Variants in COL4A4 observed in about 807,000 individuals in gnomAD.
COL4A4 encodes the protein collagen alpha-4(IV) chain.
In COL4A4, 105 loss-of-function variants were observed where a neutral mutation model predicts 192.9. That is an observed-to-expected ratio of 0.54 (90% CI 0.46 to 0.64). COL4A4 has a LOEUF of 0.64. COL4A4 is among the 30% of genes least tolerant of loss of function. COL4A4 has a pLI of 0.00. For synonymous variants in COL4A4, 762 were observed against 769.9 expected (o/e 0.99, Z 0.17); for missense variants, 1,967 against 2,169.3 (o/e 0.91, Z 1.85).
intron 24 of COL4A4, 74 bp from the exon 25 acceptor site, chr2:227,078,151 C>T (rs2059133298): frequency 8.1e-6 from 12 of 1,474,738 alleles, no homozygotes; most frequent in South Asian, 1.2e-5. Flanking sequence ...TTGTAGGTTA[C>T]AGAAACACAC....
intron 44 of COL4A4, among the ~76,000 whole-genome samples, chr2:227,018,271 G>A (rs563131038): frequency 6.6e-6 from 1 of 152,196 alleles, no homozygotes; most frequent in South Asian, 2.1e-4. Flanking sequence ...CGCTCTTCTT[G>A]CCCAGGCTGG....
chr2:227,008,354 G>A (rs1962680488), intron 46 of COL4A4, 50 bp from the exon 47 acceptor site: 4 of 1,591,164 alleles, frequency 2.5e-6, no homozygotes, highest in Non-Finnish European at 3.4e-6. Flanking sequence ...CCATGTAGGT[G>A]TTCCCAGACC....
At chr2:227,002,453 T>G (rs1282028368), downstream of COL4A4, among the ~76,000 whole-genome samples, 1 of 152,260 alleles carries the variant, frequency 6.6e-6, no homozygotes, top group African/African-American at 2.4e-5. Context: ...CCATGCCCAC[T>G]GACCACTGCC....
At chr2:227,065,391 C>A (rs1275620803) in intron 25 of COL4A4, among the ~76,000 whole-genome samples, 5 of 152,258 alleles carry the variant, frequency 3.3e-5, no homozygotes, top group Non-Finnish European at 5.9e-5. Context: ...CTCAAGGAGG[C>A]CTGCCTGCCT....
At chr2:227,097,681 T>C (rs2060277010) in intron 19 of COL4A4, among the ~76,000 whole-genome samples, 1 of 152,206 alleles carries the variant, frequency 6.6e-6, no homozygotes, top group Admixed American at 6.5e-5. Context: ...ATATTATTTA[T>C]ATACTCCTGG....
chr2:227,033,872 T>C (rs934659340), intron 37 of COL4A4, among the ~76,000 whole-genome samples: 1 of 145,068 alleles, frequency 6.9e-6, no homozygotes, highest in South Asian at 2.3e-4. Flanking sequence ...CCTCCCAGGC[T>C]TGGGGTCACT....
At chr2:227,081,351 A>G (rs1265982086) in intron 23 of COL4A4, among the ~76,000 whole-genome samples, 1 of 152,192 alleles carries the variant, frequency 6.6e-6, no homozygotes, top group African/African-American at 2.4e-5. Context: ...TCTGGCTTTC[A>G]TCTTTCTCCT....
At chr2:227,065,117 AG>A (rs1169564065) in intron 25 of COL4A4, among the ~76,000 whole-genome samples, 4 of 152,176 alleles carry the variant, frequency 2.6e-5, no homozygotes, top group Admixed American at 2.6e-4. Flanking sequence ...AGTCAAAGAA[AG>A]GGGTGACAGA....
At chr2:226,989,646 C>T in the COL4A4 span, among the ~76,000 whole-genome samples, 1 of 152,236 alleles carries the variant, frequency 6.6e-6, no homozygotes. Context: ...GAAGTCTGAC[C>T]ATATCTTGTC....
chr2:227,026,172 A>T (rs923838547), intron 42 of COL4A4, among the ~76,000 whole-genome samples: 1 of 152,166 alleles, frequency 6.6e-6, no homozygotes, highest in Non-Finnish European at 1.5e-5. Context: ...TTTGCCAAGT[A>T]TAGGGTATGC....
chr2:227,079,119 C>A (rs550861558), intron 24 of COL4A4, among the ~76,000 whole-genome samples: 2 of 152,186 alleles, frequency 1.3e-5, no homozygotes, highest in South Asian at 4.1e-4. Flanking sequence ...TTGCACCCCA[C>A]CTGACTGAAC....
chr2:227,151,367 T>G (rs923850621), intron 1 of COL4A4, among the ~76,000 whole-genome samples: 3 of 152,176 alleles, frequency 2.0e-5, no homozygotes, highest in Non-Finnish European at 4.4e-5. Context: ...AAAGTAAAAT[T>G]TTGTGGGAAA....
chr2:227,085,053 C>G (rs537057784), intron 22 of COL4A4, among the ~76,000 whole-genome samples: 43 of 152,186 alleles, frequency 2.8e-4, no homozygotes, highest in African/African-American at 9.4e-4. Context: ...ATCGCCTGAA[C>G]CCGGGAGGCA....
intron 37 of COL4A4, among the ~76,000 whole-genome samples, chr2:227,038,070 A>G (rs1437720156): frequency 1.3e-5 from 2 of 152,128 alleles, no homozygotes; most frequent in Non-Finnish European, 2.9e-5. Context: ...CTTTAGTTTA[A>G]TTAGATCCCA....
At chr2:227,062,733 G>T in intron 25 of COL4A4, 135 bp from the exon 26 acceptor site, 1 of 705,204 alleles carries the variant, frequency 1.4e-6, no homozygotes, top group South Asian at 1.6e-5. Context: ...AGACTCCCAA[G>T]TATCATTAGA....
chr2:227,065,328 G>C (rs1000026260), intron 25 of COL4A4, among the ~76,000 whole-genome samples: 5 of 152,362 alleles, frequency 3.3e-5, no homozygotes, highest in African/African-American at 7.2e-5. Flanking sequence ...GCCCAGGCTT[G>C]ATTAGGTAAA....
At chr2:227,086,781 A>G (rs1268307074) in intron 22 of COL4A4, among the ~76,000 whole-genome samples, 2 of 152,230 alleles carry the variant, frequency 1.3e-5, no homozygotes, top group Non-Finnish European at 2.9e-5. Flanking sequence ...CACTAAGAAG[A>G]TTAAGTACCA....
In COL4A4 at chr2:227,108,826, T is replaced by C. The variant is rs775757944; in HGVS notation, c.693+7A>G. 1.6e-5 allele frequency: 26 copies of C among 1,611,576 alleles called. No homozygotes were observed. The African/African-American group carries it at 2.0e-4, about 12-fold the overall frequency. ...TCTATTGATGTATCTTGCTCATGAC[T>C]GCCTACCTTCAAACCTGGACGCCCT... On this transcript the variant is annotated splice_region_variant and intron_variant, in intron 11 of 47. Transcript: ENST00000396625.
At chr2:227,037,935 GTTTC>G (rs1970023071) in intron 37 of COL4A4, among the ~76,000 whole-genome samples, 1 of 152,168 alleles carries the variant, frequency 6.6e-6, no homozygotes, top group Admixed American at 6.5e-5. Flanking sequence ...TGATGGGGTT[GTTTC>G]TTTCTTGTAA....
Sources: allele counts gnomAD v4.1 joint callset (sites outside exome capture counted in the v4.1 genomes callset), GRCh38; gene constraint gnomAD v4.1.1; transcripts MANE v1.5; gene names NCBI Gene and HGNC (gene_info 2026-07-23, HGNC 2026-07-21).